Variants in GALNTL5 observed in about 807,000 individuals in gnomAD.
The protein encoded by GALNTL5 is polypeptide N-acetylgalactosaminyltransferase like 5.
In GALNTL5, 44 loss-of-function variants were observed where a neutral mutation model predicts 51.0. The observed-to-expected ratio is 0.86, with a 90% CI of 0.68 to 1.11. GALNTL5 has a LOEUF of 1.11. Among genes scored for constraint, GALNTL5 ranks in the 50% least tolerant of loss-of-function variants. The pLI is 0.00. For missense variants in GALNTL5, 528 were observed against 531.8 expected (o/e 0.99, Z 0.07); for synonymous variants, 192 against 182.8 (o/e 1.05, Z -0.41).
At chr7:151,989,750 C>A (rs1443566729) in intron 5 of GALNTL5, among the ~76,000 whole-genome samples, 1 of 152,176 alleles carries the variant, frequency 6.6e-6, no homozygotes, top group Non-Finnish European at 1.5e-5. Flanking sequence ...TATGGCCCGT[C>A]TTTTTAATGT....
At chr7:152,001,444 T>C (rs947222814) in intron 5 of GALNTL5, among the ~76,000 whole-genome samples, 14 of 152,190 alleles carry the variant, frequency 9.2e-5, no homozygotes, top group African/African-American at 3.4e-4. Context: ...TAGTATGATA[T>C]GAGGTAGGGG....
chr7:152,007,403 A>C (rs1185142871), intron 6 of GALNTL5, among the ~76,000 whole-genome samples: 2 of 148,482 alleles, frequency 1.3e-5, no homozygotes, highest in African/African-American at 4.9e-5. Flanking sequence ...TTTTAGTATT[A>C]ATGTTTTCTC....
chr7:152,013,784 T>G (rs1020917877), intron 7 of GALNTL5, among the ~76,000 whole-genome samples: 10 of 152,204 alleles, frequency 6.6e-5, no homozygotes, highest in Non-Finnish European at 5.9e-5. Context: ...CTACGTGAGT[T>G]TACATATATA....
chr7:151,976,050 TG>T lies in GALNTL5; in HGVS notation c.368+4987del, dbSNP rs150621334. Reference sequence around the variant, plus strand: ...GAAGAAATATATGCTCTTCAGCTGTTGGATAAAATGCTCATGTGTGTCTGTT... The same window carrying T: ...GAAGAAATATATGCTCTTCAGCTGTTGATAAAATGCTCATGTGTGTCTGTT... On this transcript the variant is annotated intron_variant, in intron 3 of 8. Coordinates refer to ENST00000392800, the MANE Select transcript of GALNTL5 (RefSeq NM_145292.4). Among the ~76,000 whole-genome samples the T allele has an allele frequency of 1.8e-4, 28 of 152,330 alleles. No homozygotes were observed. In the East Asian group the frequency reaches 5.2e-3, roughly 28 times the overall value.
chr7:152,017,917 C>T (rs1438447811), intron 8 of GALNTL5, among the ~76,000 whole-genome samples: 5 of 152,042 alleles, frequency 3.3e-5, no homozygotes, highest in Admixed American at 6.6e-5. Flanking sequence ...GCAATCTCGG[C>T]TCACTGCAAC....
chr7:152,003,686 T>A (rs1013152698), intron 6 of GALNTL5, among the ~76,000 whole-genome samples: 4 of 152,192 alleles, frequency 2.6e-5, no homozygotes, highest in African/African-American at 9.7e-5. Context: ...TATGTAGAAA[T>A]CTCAACTTAA....
chr7:151,970,682 T>G, intron 2 of GALNTL5: 1 of 245,442 alleles, frequency 4.1e-6, no homozygotes, highest in Admixed American at 5.3e-5. Flanking sequence ...AGATGCTGGC[T>G]CAATGCTTCC....
intron 5 of GALNTL5, among the ~76,000 whole-genome samples, chr7:151,998,440 T>G (rs2081527629): frequency 6.6e-6 from 1 of 152,192 alleles, no homozygotes; most frequent in Non-Finnish European, 1.5e-5. Context: ...AAAGTTAATA[T>G]TTTTAGTATG....
At chr7:151,970,462 A>G (rs574053301) in intron 2 of GALNTL5, among the ~76,000 whole-genome samples, 2 of 152,170 alleles carry the variant, frequency 1.3e-5, no homozygotes, top group Admixed American at 6.5e-5. Context: ...GCCTGGCAGG[A>G]TGTGTTTGGG....
chr7:151,956,860 T>C (rs1386266410), intron 1 of GALNTL5, among the ~76,000 whole-genome samples: 1 of 152,144 alleles, frequency 6.6e-6, no homozygotes, highest in African/African-American at 2.4e-5. Context: ...AACTTTTCAT[T>C]ACATGTGTCT....
intron 1 of GALNTL5, among the ~76,000 whole-genome samples, chr7:151,959,511 C>G (rs2080966589): frequency 6.6e-6 from 1 of 152,002 alleles, no homozygotes; most frequent in African/African-American, 2.4e-5. Flanking sequence ...TATTTTGCAC[C>G]CAGGATCTTG....
At chr7:152,012,272 A>G (rs2081746633) in intron 7 of GALNTL5, among the ~76,000 whole-genome samples, 1 of 152,240 alleles carries the variant, frequency 6.6e-6, no homozygotes, top group African/African-American at 2.4e-5. Flanking sequence ...ATTTCAATCT[A>G]TCACACCAAG....
chr7:152,004,744 G>T (rs1322365056), intron 6 of GALNTL5, among the ~76,000 whole-genome samples: 2 of 152,128 alleles, frequency 1.3e-5, no homozygotes, highest in Non-Finnish European at 1.5e-5. Flanking sequence ...TAAGATAATG[G>T]CCTCCAGTTC....
At chr7:151,980,346 A>T (rs2081263384) in intron 3 of GALNTL5, among the ~76,000 whole-genome samples, 1 of 152,214 alleles carries the variant, frequency 6.6e-6, no homozygotes, top group South Asian at 2.1e-4. Flanking sequence ...GGCCTCCCAA[A>T]GTGCTAGGAT....
At chr7:151,987,129 TAC>T in intron 4 of GALNTL5, 28 bp from the exon 5 acceptor site, 1 of 1,560,976 alleles carries the variant, frequency 6.4e-7, no homozygotes, top group Non-Finnish European at 8.7e-7. Flanking sequence ...TTGCCGTTTA[TAC>T]ATTCTCATGT....
intron 5 of GALNTL5, among the ~76,000 whole-genome samples, chr7:151,996,563 G>A (rs1209354247): frequency 6.6e-6 from 1 of 152,108 alleles, no homozygotes; most frequent in African/African-American, 2.4e-5. Context: ...AACATGAGAA[G>A]ACCTCATTTC....
At chr7:151,962,329 G>A (rs766670637) in intron 1 of GALNTL5, among the ~76,000 whole-genome samples, 12 of 150,772 alleles carry the variant, frequency 8.0e-5, no homozygotes, top group Non-Finnish European at 1.5e-4. Flanking sequence ...GGAGTTCTTA[G>A]ACTTCTATTT....
chr7:151,992,139 T>A (rs1176943490), intron 5 of GALNTL5, among the ~76,000 whole-genome samples: 1 of 152,164 alleles, frequency 6.6e-6, no homozygotes, highest in Non-Finnish European at 1.5e-5. Context: ...AAACTCTTAG[T>A]CGTTAGTGGT....
At position 151,997,048 on chromosome 7, in the gene GALNTL5, G is replaced by T. The variant is rs376843256; in HGVS notation, c.659-5666G>T. ...AACGTTGCAATCCACAATCCCTAGA[G>T]AAATGGTGCAAATAGACTACGACAG... On this transcript the variant is annotated intron_variant, in intron 5 of 8. Coordinates refer to ENST00000392800, the MANE Select transcript of GALNTL5 (RefSeq NM_145292.4). Among the ~76,000 whole-genome samples, 19 of 152,304 alleles carry T rather than the reference G, an allele frequency of 1.2e-4. No individual in the cohort carries two copies. The East Asian group carries it at 3.7e-3, about 29-fold the overall frequency.
Sources: gnomAD v4.1 joint callset for allele counts (sites outside exome capture counted in the v4.1 genomes callset) on GRCh38, gnomAD v4.1.1 for gene constraint, MANE v1.5 for transcripts, NCBI Gene and HGNC (gene_info 2026-07-23, HGNC 2026-07-21) for gene names.